Variants in C12orf42 observed in about 807,000 individuals in gnomAD.
C12orf42 encodes chromosome 12 open reading frame 42, also known as uncharacterized protein C12orf42.
Under a neutral mutation model 21.6 loss-of-function variants are expected in C12orf42, and 25 were observed. The ratio of observed to expected loss-of-function variants is 1.16; its 90% CI spans 0.84 to 1.62. The LOEUF (loss-of-function observed/expected upper bound fraction) is 1.62, where lower values mean the gene tolerates loss of function less well. Ranked by LOEUF, C12orf42 falls within the 40% of genes most tolerant of loss-of-function variation. The pLI, the probability that C12orf42 is intolerant of heterozygous loss-of-function variation, is 0.00. For synonymous variants in C12orf42, 174 were observed against 175.0 expected (o/e 0.99, Z 0.05); for missense variants, 483 against 459.3 (o/e 1.05, Z -0.47).
At chr12:103,559,349 C>T in the C12orf42 span, 1 of 152,348 alleles carries the variant, frequency 6.6e-6, no homozygotes, top group African/African-American at 2.4e-5. Flanking sequence ...CCATGTGACG[C>T]CACTGGAGGA....
chr12:103,164,186 TAA>T, the C12orf42 span, among the ~76,000 whole-genome samples: 17 of 152,212 alleles, frequency 1.1e-4, no homozygotes, highest in African/African-American at 3.9e-4. Context: ...ATAAGTGGAA[TAA>T]GAGTCTCCAC....
intron 4 of C12orf42, among the ~76,000 whole-genome samples, chr12:103,344,146 G>T (rs2042409576): frequency 1.3e-5 from 2 of 152,174 alleles, no homozygotes; most frequent in African/African-American, 2.4e-5. Flanking sequence ...AGTCATTTTA[G>T]CTGTTTTCAT....
At chr12:103,082,274 G>C in the C12orf42 span, among the ~76,000 whole-genome samples, 1 of 152,168 alleles carries the variant, frequency 6.6e-6, no homozygotes, top group Non-Finnish European at 1.5e-5. Context: ...GAGTAAAAGA[G>C]GATGAAATTG....
chr12:103,410,552 A>C (rs562742331), intron 2 of C12orf42, among the ~76,000 whole-genome samples: 8 of 152,304 alleles, frequency 5.3e-5, no homozygotes, highest in Non-Finnish European at 1.0e-4. Context: ...CATGATTGTC[A>C]TGGCCACAAG....
chr12:103,329,842 T>A (rs1296869807), intron 4 of C12orf42, among the ~76,000 whole-genome samples: 2 of 151,868 alleles, frequency 1.3e-5, no homozygotes, highest in Non-Finnish European at 1.5e-5. Context: ...AGACAAATAT[T>A]AATAGAAAAT....
At chr12:103,428,600 C>G (rs867999382) in intron 2 of C12orf42, among the ~76,000 whole-genome samples, 3 of 152,132 alleles carry the variant, frequency 2.0e-5, no homozygotes, top group Non-Finnish European at 4.4e-5. Flanking sequence ...AAAGAGGACT[C>G]CTCCCTAACT....
chr12:103,120,303 G>A, the C12orf42 span, among the ~76,000 whole-genome samples: 1 of 152,190 alleles, frequency 6.6e-6, no homozygotes, highest in Non-Finnish European at 1.5e-5. Context: ...AATTACTTCT[G>A]CATGTGAGCA....
chr12:103,162,368 T>G, the C12orf42 span, among the ~76,000 whole-genome samples: 1 of 151,972 alleles, frequency 6.6e-6, no homozygotes, highest in Non-Finnish European at 1.5e-5. Context: ...ATGGAAAGAG[T>G]GCTCAGGTCC....
the C12orf42 span, among the ~76,000 whole-genome samples, chr12:103,171,393 G>T: frequency 6.6e-6 from 1 of 152,112 alleles, no homozygotes; most frequent in Non-Finnish European, 1.5e-5. Flanking sequence ...TAAAAGACTG[G>T]ATGAGTGAGT....
intron 2 of C12orf42, among the ~76,000 whole-genome samples, chr12:103,446,388 A>G (rs1565841712): frequency 1.3e-5 from 2 of 152,068 alleles, no homozygotes; most frequent in African/African-American, 2.4e-5. Flanking sequence ...AATCCTTGAA[A>G]TACACCAAAA....
chr12:103,512,434 TTGTG>T, the C12orf42 span, among the ~76,000 whole-genome samples: 24,209 of 152,044 alleles, frequency 0.16, 2,031 homozygotes, highest in South Asian at 0.21. Context: ...TTACAATGTA[TTGTG>T]TATTTCAAAA....
At position 103,478,382 on chromosome 12, in the gene C12orf42, C is replaced by A; in HGVS notation, c.45G>T (p.Leu15Phe). 1 of 1,604,666 alleles carries A rather than the reference C, an allele frequency of 6.2e-7. No homozygotes were observed. Among genetic ancestry groups the A allele is most frequent in the African/African-American group, 1.3e-5 (1 of 74,868 alleles). The part of the protein sequence containing the change: ...ICMKQREEEF[L>F]LTIRPFANRM... ...TGTTTGCAAAAGGTCTGATGGTTAGCAAGAATTCTTCTTCCCTTTGTTTCA... is the reference window on the plus strand; with the variant it reads ...TGTTTGCAAAAGGTCTGATGGTTAGAAAGAATTCTTCTTCCCTTTGTTTCA... The change falls in exon 2 of 6, where the codon TTG (leucine) becomes TTT (phenylalanine). Residue 15 changes from leucine to phenylalanine, a missense_variant. Physicochemically the swap from Leu to Phe is conservative, Grantham distance 22. Coordinates refer to ENST00000548883, the MANE Select transcript of C12orf42 (RefSeq NM_198521.5).
chr12:103,234,526 T>C (rs142178475), downstream of C12orf42, among the ~76,000 whole-genome samples: 11 of 152,256 alleles, frequency 7.2e-5, no homozygotes, highest in African/African-American at 2.6e-4. Flanking sequence ...GCCTACTCCA[T>C]TGGTACACAG....
intron 2 of C12orf42, among the ~76,000 whole-genome samples, chr12:103,420,941 A>C (rs2049839487): frequency 6.6e-6 from 1 of 152,264 alleles, no homozygotes; most frequent in African/African-American, 2.4e-5. Flanking sequence ...AAGAAAGCAT[A>C]GTATAAAGTG....
chr12:103,209,589 T>C, the C12orf42 span, among the ~76,000 whole-genome samples: 1 of 152,184 alleles, frequency 6.6e-6, no homozygotes, highest in Non-Finnish European at 1.5e-5. Flanking sequence ...GTCTGACTCA[T>C]ACTCACACAA....
the C12orf42 span, among the ~76,000 whole-genome samples, chr12:103,533,118 T>C: frequency 6.6e-6 from 1 of 152,240 alleles, no homozygotes; most frequent in Non-Finnish European, 1.5e-5. Flanking sequence ...TATAAATGAA[T>C]ATTTAGTCGA....
At chr12:103,092,697 T>G in the C12orf42 span, among the ~76,000 whole-genome samples, 1 of 152,176 alleles carries the variant, frequency 6.6e-6, no homozygotes, top group Non-Finnish European at 1.5e-5. Context: ...AAGTACCAAC[T>G]GAAGAATTTT....
chr12:103,561,419 G>A, the C12orf42 span, among the ~76,000 whole-genome samples: 1 of 152,176 alleles, frequency 6.6e-6, no homozygotes, highest in Non-Finnish European at 1.5e-5. Flanking sequence ...GCATGACCAG[G>A]TTCTGGTAAG....
the C12orf42 span, among the ~76,000 whole-genome samples, chr12:103,103,589 C>A: frequency 6.6e-6 from 1 of 152,024 alleles, no homozygotes; most frequent in Non-Finnish European, 1.5e-5. Flanking sequence ...CCCTATGGAT[C>A]CTGAGAAATC....
Sources: gnomAD v4.1 joint callset for allele counts (sites outside exome capture counted in the v4.1 genomes callset) on GRCh38, gnomAD v4.1.1 for gene constraint, MANE v1.5 for transcripts, NCBI Gene and HGNC (gene_info 2026-07-23, HGNC 2026-07-21) for gene names.